NME7: variants seen among roughly 807,000 people sequenced by gnomAD.
NME7 encodes the protein NME/NM23 family member 7.
Under a neutral mutation model 49.1 loss-of-function variants are expected in NME7, and 41 were observed. That is an observed-to-expected ratio of 0.83 (90% CI 0.65 to 1.08). NME7 has a LOEUF of 1.08. NME7 is among the 50% of genes least tolerant of loss of function. NME7 has a pLI of 0.00. For missense variants in NME7, 423 were observed against 463.4 expected (o/e 0.91, Z 0.80); for synonymous variants, 139 against 150.6 (o/e 0.92, Z 0.56).
At chr1:169,203,464 G>A (rs770367943) in intron 10 of NME7, among the ~76,000 whole-genome samples, 5 of 152,152 alleles carry the variant, frequency 3.3e-5, no homozygotes, top group Non-Finnish European at 7.4e-5. Flanking sequence ...CACAATGAGA[G>A]ACTGCTACAC....
intron 1 of NME7, among the ~76,000 whole-genome samples, chr1:169,365,395 CG>C (rs1452813928): frequency 6.6e-6 from 1 of 152,124 alleles, no homozygotes; most frequent in African/African-American, 2.4e-5. Flanking sequence ...AAGAAGAACA[CG>C]TTGGCCTGTA....
chr1:169,342,636 GTATA>G lies in NME7; in HGVS notation c.4-18140_4-18137del, dbSNP rs1307999071. 3.0e-3 allele frequency among the ~76,000 whole-genome samples: 79 copies of G among 26,508 alleles called. 16 individuals carry two copies. Among genetic ancestry groups the G allele is most frequent in the African/African-American group, 0.013 (72 of 5,486 alleles). 17.4% of individuals were successfully genotyped at this position (26,508 alleles called of 152,430 possible). A position where few individuals can be genotyped will look rare whatever the true frequency, so the allele number is the denominator to read the frequency against. On this transcript the variant is annotated intron_variant, in intron 1 of 11. Coordinates refer to ENST00000367811, the MANE Select transcript of NME7 (RefSeq NM_013330.5). ...ATATATATACAAGTACATATATATA[GTATA>G]TATATATACAAGTACATATATATAT...
intron 10 of NME7, among the ~76,000 whole-genome samples, chr1:169,182,281 T>C (rs1321533519): frequency 6.6e-6 from 1 of 152,042 alleles, no homozygotes; most frequent in Non-Finnish European, 1.5e-5. Flanking sequence ...CCCAAAGTGC[T>C]GGGATTACAG....
chr1:169,237,210 G>GAAA (rs1647891595), intron 8 of NME7, among the ~76,000 whole-genome samples: 1 of 151,724 alleles, frequency 6.6e-6, no homozygotes, highest in African/African-American at 2.4e-5. Context: ...ACTGGTTAGG[G>GAAA]AAAAAAAATC....
At chr1:169,164,109 CAAAA>C (rs34543492) in intron 11 of NME7, among the ~76,000 whole-genome samples, 4 of 125,244 alleles carry the variant, frequency 3.2e-5, no homozygotes, top group Non-Finnish European at 5.1e-5. Flanking sequence ...GACTCTGTCT[CAAAA>C]AAAAAAAAAA....
chr1:169,346,319 C>T (rs575278801), intron 1 of NME7, among the ~76,000 whole-genome samples: 36 of 152,314 alleles, frequency 2.4e-4, no homozygotes, highest in Admixed American at 1.8e-3. Context: ...TCCAGTGATC[C>T]GTCTGACTTC....
At chr1:169,180,955 C>T (rs935559792) in intron 10 of NME7, among the ~76,000 whole-genome samples, 2 of 152,142 alleles carry the variant, frequency 1.3e-5, no homozygotes, top group Admixed American at 1.3e-4. Context: ...AATAGTAGCT[C>T]TCTCCCAGGA....
chr1:169,152,314 G>T (rs1658935891), intron 11 of NME7, among the ~76,000 whole-genome samples: 1 of 152,064 alleles, frequency 6.6e-6, no homozygotes, highest in African/African-American at 2.4e-5. Context: ...TCTTGCTGCT[G>T]CTCTCTGAGG....
At chr1:169,361,385 C>T (rs78209297) in intron 1 of NME7, among the ~76,000 whole-genome samples, 2,208 of 152,284 alleles carry the variant, frequency 0.014, 55 homozygotes, top group African/African-American at 0.05. Flanking sequence ...ATGCCCTGTG[C>T]TTTCTGATTC....
chr1:169,300,165 T>C (rs1650883978), intron 5 of NME7, among the ~76,000 whole-genome samples: 1 of 152,170 alleles, frequency 6.6e-6, no homozygotes, highest in Non-Finnish European at 1.5e-5. Flanking sequence ...AGTTAATTCA[T>C]TCCTTTAATA....
chr1:169,362,969 G>A (rs1045287673), intron 1 of NME7, among the ~76,000 whole-genome samples: 189 of 152,230 alleles, frequency 1.2e-3, no homozygotes, highest in African/African-American at 4.4e-3. Context: ...TGAACGTGGT[G>A]GCTAACATAA....
intron 7 of NME7, among the ~76,000 whole-genome samples, chr1:169,276,993 T>C (rs1304604061): frequency 6.7e-6 from 1 of 150,354 alleles, no homozygotes; most frequent in Non-Finnish European, 1.5e-5. Context: ...TGTAGTTGAG[T>C]GGTTTTGAGT....
At chr1:169,333,117 T>C (rs566754362) in intron 1 of NME7, among the ~76,000 whole-genome samples, 2 of 152,236 alleles carry the variant, frequency 1.3e-5, no homozygotes, top group East Asian at 3.9e-4. Flanking sequence ...GAAGTACCAT[T>C]AAGCCATAAA....
chr1:169,135,181 A>C (rs1158953420), intron 11 of NME7, among the ~76,000 whole-genome samples: 2 of 151,962 alleles, frequency 1.3e-5, no homozygotes, highest in Non-Finnish European at 2.9e-5. Context: ...CTTGAAAAAC[A>C]AAAACAAAAA....
intron 7 of NME7, among the ~76,000 whole-genome samples, chr1:169,244,175 T>C (rs1648209663): frequency 6.6e-6 from 1 of 152,184 alleles, no homozygotes; most frequent in Non-Finnish European, 1.5e-5. Context: ...TCTGAATTGT[T>C]CAGAGGATCA....
Position 169,265,321 on chromosome 1 carries a change from A to C in NME7, c.754+21982T>G, listed in dbSNP as rs76184063. On this transcript the variant is annotated intron_variant, in intron 7 of 11. Coordinates refer to ENST00000367811, the MANE Select transcript of NME7 (RefSeq NM_013330.5). ...TGCAATTAAAACAGAAATCAAGGCC[A>C]TGAAAATTGCTCAAAGCCATACAAT... Among the ~76,000 whole-genome samples the C allele has an allele frequency of 8.4e-3, 1,129 of 133,906 alleles. 141 individuals carry two copies. Among genetic ancestry groups the C allele is most frequent in the African/African-American group, 0.027 (1,056 of 39,572 alleles). The allele number at this position is 133,906 out of a possible 152,430, so 87.8% of individuals were successfully genotyped here. A position where few individuals can be genotyped will look rare whatever the true frequency, so the allele number is the denominator to read the frequency against.
chr1:169,264,788 A>C (rs1649268566), intron 7 of NME7, among the ~76,000 whole-genome samples: 1 of 133,484 alleles, frequency 7.5e-6, no homozygotes, highest in Non-Finnish European at 1.8e-5. Flanking sequence ...CATCACCCTA[A>C]GAAGACAGAA....
Position 169,323,194 on chromosome 1 carries a change from A to T in NME7, c.201T>A (p.Asn67Lys). Residue 67 changes from asparagine (N) to lysine (K), a missense_variant, in exon 3 of 12, where the codon AAT (asparagine) becomes AAA (lysine). Transcript: ENST00000367811. ...TTAATACCAGTTGTCGAGAAAAGAC[A>T]TTCACTTTGTTGCCTATAAATAAAT... The part of the protein sequence containing the change: ...LEDLFIGNKV[N>K]VFSRQLVLID... The T allele has an allele frequency of 6.2e-7, 1 of 1,608,346 alleles. No homozygotes were observed. Among genetic ancestry groups the T allele is most frequent in the Non-Finnish European group, 8.5e-7 (1 of 1,177,494 alleles).
At chr1:169,286,382 T>C (rs1054874841) in intron 7 of NME7, 7 of 152,120 alleles carry the variant, frequency 4.6e-5, no homozygotes, top group Non-Finnish European at 1.0e-4. Context: ...CTTCTGTATA[T>C]TATTTAGTAT....
Sources: gnomAD v4.1 joint callset for allele counts (sites outside exome capture counted in the v4.1 genomes callset) on GRCh38, gnomAD v4.1.1 for gene constraint, MANE v1.5 for transcripts, NCBI Gene and HGNC (gene_info 2026-07-23, HGNC 2026-07-21) for gene names.